CSMD1: variants seen among roughly 807,000 people sequenced by gnomAD.
CSMD1 encodes CUB and Sushi multiple domains 1.
A neutral mutation model predicts 417.5 loss-of-function variants in CSMD1; 213 were observed. The observed-to-expected ratio is 0.51, with a 90% CI of 0.46 to 0.57. CSMD1 has a LOEUF of 0.57. Ranked by LOEUF, CSMD1 falls within the 20% of genes least tolerant of loss-of-function variation. CSMD1 has a pLI of 0.00. For synonymous variants in CSMD1, 2,862 were observed against 1,736.8 expected (o/e 1.65, Z -16.11); for missense variants, 6,923 against 4,529.7 (o/e 1.53, Z -15.17).
intron 1 of CSMD1, among the ~76,000 whole-genome samples, chr8:4,966,351 C>T (rs867924444): frequency 2.0e-5 from 3 of 152,116 alleles, no homozygotes; most frequent in African/African-American, 7.2e-5. Flanking sequence ...TGCACTCCAG[C>T]CTGGGCAACA....
At chr8:4,296,171 T>C (rs573567353) in intron 3 of CSMD1, among the ~76,000 whole-genome samples, 3 of 152,098 alleles carry the variant, frequency 2.0e-5, no homozygotes, top group East Asian at 3.9e-4. Context: ...ATGCTCAGGG[T>C]CTCCCTCCTG....
At chr8:4,463,795 T>TAAAC (rs942691764) in intron 2 of CSMD1, among the ~76,000 whole-genome samples, 1 of 152,116 alleles carries the variant, frequency 6.6e-6, no homozygotes. Flanking sequence ...TTTTTTGCAT[T>TAAAC]AAACATCTTC....
At chr8:3,829,602 C>T (rs1216931415) in intron 5 of CSMD1, among the ~76,000 whole-genome samples, 2 of 152,122 alleles carry the variant, frequency 1.3e-5, no homozygotes, top group African/African-American at 4.8e-5. Context: ...TGATGGGCCC[C>T]TCAGGAGAGC....
At chr8:4,338,296 G>T (rs1375747088) in intron 3 of CSMD1, among the ~76,000 whole-genome samples, 1 of 152,120 alleles carries the variant, frequency 6.6e-6, no homozygotes, top group Non-Finnish European at 1.5e-5. Flanking sequence ...TGCAGTAGTT[G>T]AATATAGTTA....
chr8:3,025,338 G>A (rs546534885), intron 51 of CSMD1, among the ~76,000 whole-genome samples: 1 of 151,830 alleles, frequency 6.6e-6, no homozygotes, highest in Non-Finnish European at 1.5e-5. Flanking sequence ...ATTGTGTGCT[G>A]TTATTCTGAT....
At chr8:3,634,708 G>A (rs1188695799) in intron 7 of CSMD1, among the ~76,000 whole-genome samples, 1 of 139,012 alleles carries the variant, frequency 7.2e-6, no homozygotes, top group East Asian at 1.9e-4. Context: ...TTAGAACTGT[G>A]CTGCCTACTC....
At chr8:4,304,312 G>A (rs906579131) in intron 3 of CSMD1, among the ~76,000 whole-genome samples, 6 of 152,152 alleles carry the variant, frequency 3.9e-5, no homozygotes, top group South Asian at 2.1e-4. Context: ...ATATATAGAA[G>A]ATATTTATTT....
intron 3 of CSMD1, among the ~76,000 whole-genome samples, chr8:4,362,129 A>G (rs1224617147): frequency 6.6e-6 from 1 of 152,228 alleles, no homozygotes; most frequent in Non-Finnish European, 1.5e-5. Context: ...GTACTTTATA[A>G]AAATAGAATT....
chr8:4,319,158 A>C (rs1334947918), intron 3 of CSMD1, among the ~76,000 whole-genome samples: 1 of 152,182 alleles, frequency 6.6e-6, no homozygotes, highest in East Asian at 1.9e-4. Context: ...AAAATACCTG[A>C]AAATTTAAAC....
At chr8:3,241,094 G>T (rs1268798653) in intron 26 of CSMD1, among the ~76,000 whole-genome samples, 3 of 151,130 alleles carry the variant, frequency 2.0e-5, no homozygotes, top group Non-Finnish European at 4.4e-5. Context: ...GGACGCAACG[G>T]AGGCTTTGGA....
At chr8:2,972,498 G>A (rs1305979254) in intron 57 of CSMD1, among the ~76,000 whole-genome samples, 2 of 152,088 alleles carry the variant, frequency 1.3e-5, no homozygotes, top group Non-Finnish European at 2.9e-5. Context: ...TCACCTCTCA[G>A]TTCACCTTTG....
At chr8:4,003,112 G>C (rs1353959950) in intron 4 of CSMD1, among the ~76,000 whole-genome samples, 1 of 152,142 alleles carries the variant, frequency 6.6e-6, no homozygotes, top group Non-Finnish European at 1.5e-5. Flanking sequence ...ACAAGATACA[G>C]GCTTGGCGCG....
chr8:2,940,805 T>C (rs631444), intron 69 of CSMD1, among the ~76,000 whole-genome samples: 1,828 of 152,304 alleles, frequency 0.012, 34 homozygotes, highest in African/African-American at 0.042. Flanking sequence ...GGAAAACAGC[T>C]TTAATGGACT....
intron 12 of CSMD1, among the ~76,000 whole-genome samples, chr8:3,457,226 C>T (rs549247922): frequency 2.0e-5 from 3 of 151,928 alleles, no homozygotes; most frequent in African/African-American, 7.3e-5. Flanking sequence ...GCCCTCCTCA[C>T]TGCACCTCTC....
intron 3 of CSMD1, among the ~76,000 whole-genome samples, chr8:4,155,403 T>A (rs1037349551): frequency 6.6e-6 from 1 of 152,306 alleles, no homozygotes; most frequent in East Asian, 1.9e-4. Context: ...CCTTTTACTT[T>A]ATAAATCAGA....
At chr8:4,564,089 A>G (rs1357245305) in intron 2 of CSMD1, among the ~76,000 whole-genome samples, 1 of 152,200 alleles carries the variant, frequency 6.6e-6, no homozygotes, top group Non-Finnish European at 1.5e-5. Context: ...GCATATTTAA[A>G]TAAATTGATG....
chr8:4,435,703 C>G (rs527473598), intron 2 of CSMD1, among the ~76,000 whole-genome samples: 2 of 152,166 alleles, frequency 1.3e-5, no homozygotes, highest in African/African-American at 2.4e-5. Flanking sequence ...GGAGGTGCCT[C>G]TGTGTGGGGC....
At chr8:3,499,056 T>C (rs984697247) in intron 10 of CSMD1, among the ~76,000 whole-genome samples, 1 of 152,234 alleles carries the variant, frequency 6.6e-6, no homozygotes, top group African/African-American at 2.4e-5. Flanking sequence ...TCATGTTTCT[T>C]GCTTTTTAGA....
At chr8:3,094,743 T>C (rs971945137) in intron 47 of CSMD1, among the ~76,000 whole-genome samples, 2 of 129,846 alleles carry the variant, frequency 1.5e-5, no homozygotes, top group African/African-American at 5.9e-5. Context: ...AAGTATAAAA[T>C]CAATATATTC....
Sources: allele counts gnomAD v4.1 joint callset (sites outside exome capture counted in the v4.1 genomes callset), GRCh38; gene constraint gnomAD v4.1.1; transcripts MANE v1.5; gene names NCBI Gene and HGNC (gene_info 2026-07-23, HGNC 2026-07-21).